The following SYT1 variants were observed in gnomAD, a reference collection of about 807,000 sequenced individuals.
The protein encoded by SYT1 is synaptotagmin-1.
SYT1 carries 8 observed loss-of-function variants against 44.8 expected under a neutral mutation model. That is an observed-to-expected ratio of 0.18 (90% CI 0.10 to 0.32). The LOEUF is 0.32. Among genes scored for constraint, SYT1 ranks in the 10% least tolerant of loss-of-function variants. The pLI is 1.00. For synonymous variants in SYT1, 154 were observed against 188.8 expected (o/e 0.82, Z 1.51); for missense variants, 286 against 509.3 (o/e 0.56, Z 4.22).
At chr12:78,931,179 A>AAAAG (rs1165668920) in intron 1 of SYT1, among the ~76,000 whole-genome samples, 628 of 59,808 alleles carry the variant, frequency 0.011, 27 homozygotes, top group Admixed American at 0.014. Context: ...GAAAGAAAGA[A>AAAAG]AAAGAAAGAA....
At chr12:79,254,413 G>C (rs1877397762) in intron 4 of SYT1, among the ~76,000 whole-genome samples, 1 of 152,120 alleles carries the variant, frequency 6.6e-6, no homozygotes, top group African/African-American at 2.4e-5. Context: ...CCAAAAAAAA[G>C]ATTATTTTCA....
Position 79,410,595 on chromosome 12 carries a change from A to G in SYT1, c.929-33478A>G, listed in dbSNP as rs112397348. On this transcript the variant is annotated intron_variant, in intron 9 of 10. Transcript: ENST00000261205. ...AGCTCGTATGCATCTCAGATGAAGA[A>G]CTTTCCTCTAGTAATAGGCTCCTTT... is the stretch of plus-strand genomic sequence containing the variant. 6.6e-5 allele frequency among the ~76,000 whole-genome samples: 10 copies of G among 152,046 alleles called. 1 individual carries two copies. The highest frequency in any genetic ancestry group is 2.4e-4 in the African/African-American group (10 of 41,504).
chr12:78,969,029 A>G (rs1380972178), intron 1 of SYT1, among the ~76,000 whole-genome samples: 1 of 152,222 alleles, frequency 6.6e-6, no homozygotes, highest in Non-Finnish European at 1.5e-5. Flanking sequence ...CAGGTTCAAC[A>G]TCCTTGGATT....
At chr12:79,205,165 T>C (rs11837930) in intron 3 of SYT1, among the ~76,000 whole-genome samples, 1 of 152,006 alleles carries the variant, frequency 6.6e-6, no homozygotes, top group African/African-American at 2.4e-5. Context: ...GGTTTCACCG[T>C]GTTAGCCAGG....
At chr12:79,034,426 T>A (rs561083564) in intron 2 of SYT1, among the ~76,000 whole-genome samples, 1 of 151,734 alleles carries the variant, frequency 6.6e-6, no homozygotes, top group Admixed American at 6.6e-5. Context: ...TACTACCCTC[T>A]CAAAGTCCAT....
At chr12:79,205,051 G>A (rs1392782823) in intron 3 of SYT1, among the ~76,000 whole-genome samples, 1 of 146,250 alleles carries the variant, frequency 6.8e-6, no homozygotes, top group Non-Finnish European at 1.5e-5. Context: ...TGCAAGCTCC[G>A]CCTCCCGAGT....
intron 3 of SYT1, among the ~76,000 whole-genome samples, chr12:79,059,829 C>T (rs969699338): frequency 1.3e-5 from 2 of 152,086 alleles, no homozygotes; most frequent in Non-Finnish European, 2.9e-5. Flanking sequence ...GCATGCTTCC[C>T]ATGTCATTTC....
At chr12:78,931,747 G>A (rs1877765759) in intron 1 of SYT1, among the ~76,000 whole-genome samples, 1 of 152,164 alleles carries the variant, frequency 6.6e-6, no homozygotes, top group Non-Finnish European at 1.5e-5. Context: ...ATAGAGATGA[G>A]CCAATTTATT....
chr12:79,311,426 T>G (rs2138936487), intron 8 of SYT1, among the ~76,000 whole-genome samples: 1 of 140,766 alleles, frequency 7.1e-6, no homozygotes, highest in South Asian at 2.5e-4. Flanking sequence ...GGTGGGACTG[T>G]AAACTAGTTC....
At chr12:79,318,319 C>T (rs1411017107) in intron 8 of SYT1, among the ~76,000 whole-genome samples, 1 of 152,158 alleles carries the variant, frequency 6.6e-6, no homozygotes, top group African/African-American at 2.4e-5. Flanking sequence ...TTTTTGTCTC[C>T]GGGGCCTTTT....
intron 2 of SYT1, among the ~76,000 whole-genome samples, chr12:78,993,124 C>T (rs1016171091): frequency 3.9e-5 from 6 of 152,052 alleles, no homozygotes; most frequent in African/African-American, 1.2e-4. Context: ...TACTTAAAGC[C>T]TGTATTATGT....
chr12:79,290,943 T>G (rs1479980284), intron 5 of SYT1, among the ~76,000 whole-genome samples: 2 of 152,202 alleles, frequency 1.3e-5, no homozygotes, highest in Non-Finnish European at 2.9e-5. Flanking sequence ...ATTTTTTTAA[T>G]TTTGAATAAT....
At chr12:79,088,234 C>T (rs2137986032) in intron 3 of SYT1, among the ~76,000 whole-genome samples, 1 of 151,972 alleles carries the variant, frequency 6.6e-6, no homozygotes, top group South Asian at 2.1e-4. Flanking sequence ...TAGTTACTAG[C>T]CAGTTATTAT....
intron 3 of SYT1, among the ~76,000 whole-genome samples, chr12:79,201,724 T>C (rs907974803): frequency 6.6e-6 from 1 of 152,112 alleles, no homozygotes; most frequent in African/African-American, 2.4e-5. Flanking sequence ...AGCTACACAA[T>C]AGGAAAAGGT....
intron 2 of SYT1, among the ~76,000 whole-genome samples, chr12:79,010,218 G>A (rs1264632428): frequency 6.6e-6 from 1 of 152,096 alleles, no homozygotes; most frequent in African/African-American, 2.4e-5. Context: ...GATGAAAATT[G>A]GATAGAAACA....
At chr12:79,293,406 A>AAAATAAAATTAAATTAAATT (rs1491364410) in intron 6 of SYT1, among the ~76,000 whole-genome samples, 1 of 63,726 alleles carries the variant, frequency 1.6e-5, no homozygotes, top group East Asian at 7.1e-4. Flanking sequence ...AAAATAAAAT[A>AAAATAAAATTAAATTAAATT]AAATTAAAAA....
chr12:79,090,248 A>G (rs1877679995), intron 3 of SYT1, among the ~76,000 whole-genome samples: 1 of 152,048 alleles, frequency 6.6e-6, no homozygotes, highest in African/African-American at 2.4e-5. Flanking sequence ...AATAGATCTC[A>G]TTGTAAGTTG....
At chr12:79,001,219 TA>T (rs1870718088) in intron 2 of SYT1, among the ~76,000 whole-genome samples, 1 of 151,850 alleles carries the variant, frequency 6.6e-6, no homozygotes, top group African/African-American at 2.4e-5. Context: ...AAAATGATGA[TA>T]TTTTGCAAAT....
At chr12:79,438,488 CAA>C (rs1870220161) in intron 9 of SYT1, among the ~76,000 whole-genome samples, 1 of 152,152 alleles carries the variant, frequency 6.6e-6, no homozygotes, top group Admixed American at 6.5e-5. Flanking sequence ...ATGTTTCACT[CAA>C]AGTTTATGCC....
Sources: gnomAD v4.1 joint callset for allele counts (sites outside exome capture counted in the v4.1 genomes callset) on GRCh38, gnomAD v4.1.1 for gene constraint, MANE v1.5 for transcripts, NCBI Gene and HGNC (gene_info 2026-07-23, HGNC 2026-07-21) for gene names.